PCSK6: variants seen among roughly 807,000 people sequenced by gnomAD.
The protein encoded by PCSK6 is paired basic amino acid cleaving enzyme 4.
A neutral mutation model predicts 123.3 loss-of-function variants in PCSK6; 85 were observed. The ratio of observed to expected loss-of-function variants is 0.69; its 90% CI spans 0.58 to 0.83. The LOEUF is 0.83. PCSK6 is among the 40% of genes least tolerant of loss of function. PCSK6 has a pLI of 0.00. For missense variants in PCSK6, 1,191 were observed against 1,282.3 expected (o/e 0.93, Z 1.09); for synonymous variants, 508 against 516.0 (o/e 0.98, Z 0.21).
chr15:101,455,976 T>A (rs754216293), intron 1 of PCSK6, among the ~76,000 whole-genome samples: 3 of 152,202 alleles, frequency 2.0e-5, no homozygotes, highest in Non-Finnish European at 4.4e-5. Flanking sequence ...GGGGACCAGG[T>A]CCCAGCCCAT....
intron 1 of PCSK6, among the ~76,000 whole-genome samples, chr15:101,453,784 C>T (rs1552948): frequency 0.34 from 51,133 of 152,018 alleles, 8,907 homozygotes; most frequent in African/African-American, 0.43. Context: ...GTAGGGGGTG[C>T]CTTATCCTCA....
Position 101,429,991 on chromosome 15 carries a change from T to C in PCSK6, c.730A>G (p.Asn244Asp). The change falls in exon 5 of 22, where the codon AAT becomes GAT. Residue 244 changes from asparagine (N) to aspartate (D), a missense_variant. Transcript: ENST00000611716. ...PSPRYDASNE[N>D]KHGTRCAGEV... ...AGATGAGGCGAGGTGACGTACTTAT[T>C]TTCATTGCTGGCATCATATCGTGGA... 1 of 1,613,134 alleles carries C rather than the reference T, an allele frequency of 6.2e-7. No individual in the cohort carries two copies. Among genetic ancestry groups the C allele is most frequent in the South Asian group, 1.1e-5 (1 of 91,066 alleles).
intron 8 of PCSK6, 69 bp downstream of exon 8, chr15:101,393,143 G>C (rs1429349975): frequency 3.3e-6 from 4 of 1,214,948 alleles, no homozygotes; most frequent in Non-Finnish European, 4.8e-6. Context: ...CTGAGAAAGG[G>C]AGAAGAAACT....
intron 6 of PCSK6, among the ~76,000 whole-genome samples, chr15:101,401,492 A>T (rs906677175): frequency 6.6e-6 from 1 of 152,118 alleles, no homozygotes; most frequent in Non-Finnish European, 1.5e-5. Flanking sequence ...GCCTGCTCCC[A>T]AGGGGAGGTC....
intron 13 of PCSK6, among the ~76,000 whole-genome samples, chr15:101,351,510 C>T (rs866739623): frequency 2.6e-5 from 4 of 152,168 alleles, no homozygotes; most frequent in Admixed American, 1.3e-4. Context: ...TGGCAGCCAT[C>T]GGCTGGTTAT....
intron 4 of PCSK6, among the ~76,000 whole-genome samples, chr15:101,430,993 C>T (rs1203056907): frequency 6.6e-6 from 1 of 152,178 alleles, no homozygotes; most frequent in Non-Finnish European, 1.5e-5. Context: ...CCCGTGTTTT[C>T]ACACTGTCAC....
intron 20 of PCSK6, chr15:101,312,529 TA>T (rs2039889536): frequency 6.6e-6 from 1 of 151,982 alleles, no homozygotes; most frequent in South Asian, 2.1e-4. Flanking sequence ...TCTAAGTATC[TA>T]ACTAAAAAAA....
At chr15:101,468,516 T>C (rs2057521630) in intron 1 of PCSK6, among the ~76,000 whole-genome samples, 1 of 152,200 alleles carries the variant, frequency 6.6e-6, no homozygotes, top group African/African-American at 2.4e-5. Flanking sequence ...ACTGGTTAAA[T>C]AAAATCACAG....
At chr15:101,485,790 C>T (rs909410831) in intron 1 of PCSK6, among the ~76,000 whole-genome samples, 1 of 152,078 alleles carries the variant, frequency 6.6e-6, no homozygotes, top group African/African-American at 2.4e-5. Context: ...ATTCCTGGAC[C>T]TTACTCTTCC....
Position 101,313,425 on chromosome 15 carries a change from C to T in PCSK6, c.2650G>A (p.Gly884Ser), listed in dbSNP as rs2039914382. 6.2e-7 allele frequency: 1 copy of T among 1,612,658 alleles called. No individual in the cohort carries two copies. The highest frequency in any genetic ancestry group is 8.5e-7 in the Non-Finnish European group (1 of 1,179,848). The stretch of plus-strand genomic sequence containing the variant: ...CCCGGCATCTCTTCTGGGTAGAAGC[C>T]CTCACCACAGGCTGGCACACACTTC... ...DWKCVPACGE[G>S]FYPEEMPGLP... The change falls in exon 20 of 22, where the codon GGC becomes AGC. Residue 884 changes from glycine to serine, a missense_variant. Around this residue, in one of 3 missense-constraint regions of PCSK6, gnomAD observed 630 missense variants for 631.4 expected, o/e 1.00. Coordinates refer to ENST00000611716, the MANE Select transcript of PCSK6 (RefSeq NM_002570.5).
intron 13 of PCSK6, among the ~76,000 whole-genome samples, chr15:101,341,316 TCGGCTCACTGCAACC>T (rs2040603216): frequency 6.7e-6 from 1 of 148,522 alleles, no homozygotes; most frequent in Admixed American, 6.8e-5. Flanking sequence ...TGGTGCAATC[TCGGCTCACTGCAACC>T]TCTGCCTCCT....
At chr15:101,436,865 A>C (rs2056616229) in intron 2 of PCSK6, among the ~76,000 whole-genome samples, 1 of 152,198 alleles carries the variant, frequency 6.6e-6, no homozygotes, top group Non-Finnish European at 1.5e-5. Context: ...AATTTAAAGA[A>C]AGAAAAATCC....
chr15:101,309,865 T>A (rs2039812391), intron 20 of PCSK6, among the ~76,000 whole-genome samples: 1 of 151,788 alleles, frequency 6.6e-6, no homozygotes, highest in South Asian at 2.1e-4. Flanking sequence ...TATCGTGCAT[T>A]GTTCTCAGCG....
intron 15 of PCSK6, among the ~76,000 whole-genome samples, chr15:101,331,378 C>T (rs773399777): frequency 4.6e-5 from 7 of 152,240 alleles, no homozygotes; most frequent in Non-Finnish European, 7.3e-5. Context: ...ATCTCTGCCA[C>T]GAAGTCCTTT....
At chr15:101,344,768 C>T (rs1345859422) in intron 13 of PCSK6, among the ~76,000 whole-genome samples, 1 of 152,144 alleles carries the variant, frequency 6.6e-6, no homozygotes, top group East Asian at 1.9e-4. Context: ...CCTCCTGCCT[C>T]AGCCTCTTGA....
intron 1 of PCSK6, among the ~76,000 whole-genome samples, chr15:101,450,773 TC>T (rs1371917151): frequency 1.3e-5 from 2 of 151,986 alleles, no homozygotes; most frequent in Admixed American, 1.3e-4. Context: ...TCTCTCTCAG[TC>T]CCCGTCCCAG....
intron 1 of PCSK6, among the ~76,000 whole-genome samples, chr15:101,488,328 C>T (rs1206811118): frequency 6.6e-6 from 1 of 152,190 alleles, no homozygotes; most frequent in African/African-American, 2.4e-5. Context: ...ACGGCCTCTC[C>T]AGGAGCCATA....
chr15:101,342,063 G>A lies in PCSK6; in HGVS notation c.1859-10032C>T, dbSNP rs550350711. On this transcript the variant is annotated intron_variant, in intron 13 of 21. Coordinates refer to ENST00000611716, the MANE Select transcript of PCSK6 (RefSeq NM_002570.5). ...GAGAATTGCTTGAACCTGGGAGGTG[G>A]AGGTTGCAGTGAGCTGACATTGTGC... Among the ~76,000 whole-genome samples, 35 of 144,210 alleles carry A rather than the reference G, an allele frequency of 2.4e-4. No individual in the cohort carries two copies. The East Asian group carries it at 5.0e-3, about 21-fold the overall frequency. 94.6% of individuals were successfully genotyped at this position (144,210 alleles called of 152,430 possible).
intron 4 of PCSK6, among the ~76,000 whole-genome samples, chr15:101,430,763 T>C (rs1297899062): frequency 6.6e-6 from 1 of 152,264 alleles, no homozygotes; most frequent in Non-Finnish European, 1.5e-5. Flanking sequence ...AGAGTATTTC[T>C]TGCATCTATG....
Sources: allele counts gnomAD v4.1 joint callset (sites outside exome capture counted in the v4.1 genomes callset), GRCh38; gene constraint gnomAD v4.1.1; regional missense constraint gnomAD v4.1.1; transcripts MANE v1.5; gene names NCBI Gene and HGNC (gene_info 2026-07-23, HGNC 2026-07-21).